ADAMTSL1: variants seen among roughly 807,000 people sequenced by gnomAD.
The protein encoded by ADAMTSL1 is ADAMTS like 1.
ADAMTSL1 carries 126 observed loss-of-function variants against 201.8 expected under a neutral mutation model. That is an observed-to-expected ratio of 0.62 (90% CI 0.54 to 0.72). The LOEUF is 0.72. Ranked by LOEUF, ADAMTSL1 falls within the 30% of genes least tolerant of loss-of-function variation. The pLI, the probability that ADAMTSL1 is intolerant of heterozygous loss-of-function variation, is 0.00. For synonymous variants in ADAMTSL1, 1,121 were observed against 903.4 expected (o/e 1.24, Z -4.32); for missense variants, 2,679 against 2,277.8 (o/e 1.18, Z -3.59).
intron 1 of ADAMTSL1, among the ~76,000 whole-genome samples, chr9:18,130,019 T>C (rs1034996359): frequency 9.9e-5 from 15 of 152,188 alleles, no homozygotes; most frequent in Admixed American, 2.6e-4. Flanking sequence ...GGCAGCATGT[T>C]CCTGAGCTCA....
chr9:18,593,129 T>A (rs1241112456), intron 4 of ADAMTSL1, among the ~76,000 whole-genome samples: 2 of 152,114 alleles, frequency 1.3e-5, no homozygotes, highest in East Asian at 3.8e-4. Flanking sequence ...GGTCTTTAGG[T>A]TTTTCCAAAT....
intron 13 of ADAMTSL1, among the ~76,000 whole-genome samples, chr9:18,702,846 T>C (rs1486592101): frequency 6.6e-6 from 1 of 151,676 alleles, no homozygotes; most frequent in Non-Finnish European, 1.5e-5. Context: ...CACTGCAACC[T>C]CCACCTCCCG....
chr9:18,661,255 C>G (rs1342057830), intron 8 of ADAMTSL1, among the ~76,000 whole-genome samples: 1 of 152,116 alleles, frequency 6.6e-6, no homozygotes, highest in Admixed American at 6.5e-5. Flanking sequence ...GAAATATTCG[C>G]TAGAGACTTT....
At chr9:18,091,295 T>G (rs139375747) in intron 1 of ADAMTSL1, among the ~76,000 whole-genome samples, 1,634 of 152,212 alleles carry the variant, frequency 0.011, 32 homozygotes, top group African/African-American at 0.036. Context: ...CTCATCTTGG[T>G]AGTGTTATTT....
Position 18,291,856 on chromosome 9 carries a change from C to T in ADAMTSL1, c.207+127875C>T, listed in dbSNP as rs754630695. ...GCATACCTCTAGACACTAAGAATGC[C>T]GTTGCCTGTCTGGTGAGAGTCTGGC... On this transcript the variant is annotated intron_variant, in intron 2 of 29. Transcript: ENST00000680146. Among the ~76,000 whole-genome samples the T allele has an allele frequency of 1.3e-4, 19 of 151,974 alleles. No homozygotes were observed. The East Asian group carries it at 3.3e-3, about 26-fold the overall frequency.
chr9:18,064,056 A>T lies in ADAMTSL1; in HGVS notation c.88-99806A>T, dbSNP rs963657867. Among the ~76,000 whole-genome samples the T allele has an allele frequency of 9.9e-5, 15 of 152,166 alleles. 1 individual carries two copies. The highest frequency in any genetic ancestry group is 2.0e-4 in the Admixed American group (3 of 15,282). ...TCTCTTTTTTCAAAGTTAAAAAAAT[A>T]AAAGAAACAGGGAAACACAGATGCT... is the stretch of plus-strand genomic sequence containing the variant. On this transcript the variant is annotated intron_variant, in intron 1 of 29. Coordinates refer to the ADAMTSL1 transcript ENST00000680146.
intron 16 of ADAMTSL1, among the ~76,000 whole-genome samples, chr9:18,758,798 C>T (rs919457381): frequency 2.6e-5 from 4 of 152,136 alleles, no homozygotes; most frequent in African/African-American, 4.8e-5. Flanking sequence ...AAGATATCTT[C>T]GGGGGCCATT....
At chr9:18,241,685 G>T (rs1251981977) in intron 2 of ADAMTSL1, among the ~76,000 whole-genome samples, 2 of 152,026 alleles carry the variant, frequency 1.3e-5, no homozygotes, top group African/African-American at 4.8e-5. Flanking sequence ...TGAAAGTGAA[G>T]AAGTTACAAC....
rs374339055 is a variant in ADAMTSL1, at chr9:18,801,707, T to C, written c.3805+6183T>C. ...TGCAAAAGACATGATCTTGTTCCTTTTTATGGCTGCATAGTATTCCATGAT... is the reference window on the plus strand; with the variant it reads ...TGCAAAAGACATGATCTTGTTCCTTCTTATGGCTGCATAGTATTCCATGAT... On this transcript the variant is annotated intron_variant, in intron 20 of 28. Coordinates refer to ENST00000380548, the MANE Select transcript of ADAMTSL1 (RefSeq NM_001040272.6). Among the ~76,000 whole-genome samples, 219 of 152,318 alleles carry C rather than the reference T, an allele frequency of 1.4e-3. 4 individuals carry two copies. In the South Asian group the frequency reaches 0.043, roughly 30 times the overall value.
At chr9:18,317,422 A>G (rs1240133454) in intron 2 of ADAMTSL1, among the ~76,000 whole-genome samples, 1 of 148,978 alleles carries the variant, frequency 6.7e-6, no homozygotes, top group Non-Finnish European at 1.5e-5. Context: ...ACACACACAC[A>G]CGTACATGAG....
In ADAMTSL1 at chr9:18,127,090, G is replaced by A. The variant is rs562059735; in HGVS notation, c.88-36772G>A. On this transcript the variant is annotated intron_variant, in intron 1 of 29. Transcript: ENST00000680146. ...ACAGCATTTCAGTGTGTAACTGGGAGCTCATTGTTAATGGTGTGTGACATA... is the reference window on the plus strand; with the variant it reads ...ACAGCATTTCAGTGTGTAACTGGGAACTCATTGTTAATGGTGTGTGACATA... Among the ~76,000 whole-genome samples the A allele has an allele frequency of 2.6e-5, 4 of 152,262 alleles. No homozygotes were observed. The South Asian group carries it at 8.3e-4, about 32-fold the overall frequency.
At chr9:18,358,188 G>T (rs189564270) in intron 2 of ADAMTSL1, among the ~76,000 whole-genome samples, 1 of 152,104 alleles carries the variant, frequency 6.6e-6, no homozygotes, top group Non-Finnish European at 1.5e-5. Flanking sequence ...AATATATTAG[G>T]TACATAACAG....
intron 1 of ADAMTSL1, among the ~76,000 whole-genome samples, chr9:17,946,645 C>T (rs1390804141): frequency 1.3e-5 from 2 of 151,906 alleles, no homozygotes; most frequent in Non-Finnish European, 2.9e-5. Context: ...AAGATTTTTC[C>T]CACCAGTAGA....
intron 3 of ADAMTSL1, among the ~76,000 whole-genome samples, chr9:18,550,855 A>G (rs931279255): frequency 1.3e-5 from 2 of 152,008 alleles, no homozygotes; most frequent in Non-Finnish European, 2.9e-5. Context: ...TGTATTACTA[A>G]CATTCCAATG....
At chr9:18,696,963 T>G (rs1299313891) in intron 13 of ADAMTSL1, among the ~76,000 whole-genome samples, 3 of 151,348 alleles carry the variant, frequency 2.0e-5, no homozygotes, top group Admixed American at 1.3e-4. Flanking sequence ...CACTGCAAAC[T>G]CCACCTCCCG....
intron 2 of ADAMTSL1, among the ~76,000 whole-genome samples, chr9:18,505,964 G>A (rs149220949): frequency 2.0e-4 from 30 of 152,298 alleles, no homozygotes; most frequent in African/African-American, 5.8e-4. Flanking sequence ...TTAGAAGCCC[G>A]ATAGATGGTT....
intron 23 of ADAMTSL1, among the ~76,000 whole-genome samples, chr9:18,879,595 C>A (rs1828397425): frequency 6.6e-6 from 1 of 152,174 alleles, no homozygotes; most frequent in South Asian, 2.1e-4. Context: ...AAGTGTGCAA[C>A]ACCAATACAT....
intron 1 of ADAMTSL1, among the ~76,000 whole-genome samples, chr9:18,054,629 C>G (rs548419188): frequency 5.3e-5 from 8 of 152,248 alleles, no homozygotes; most frequent in Non-Finnish European, 1.0e-4. Flanking sequence ...GTGTTATAAC[C>G]AGTTTACAGT....
At chr9:18,569,958 T>C (rs1050629327) in intron 3 of ADAMTSL1, among the ~76,000 whole-genome samples, 2 of 152,172 alleles carry the variant, frequency 1.3e-5, no homozygotes, top group African/African-American at 2.4e-5. Flanking sequence ...AACTGATTAC[T>C]TGTGGCATCA....
Sources: gnomAD v4.1 joint callset for allele counts (sites outside exome capture counted in the v4.1 genomes callset) on GRCh38, gnomAD v4.1.1 for gene constraint, MANE v1.5 for transcripts, NCBI Gene and HGNC (gene_info 2026-07-23, HGNC 2026-07-21) for gene names.